SLC25A25: variants seen among roughly 807,000 people sequenced by gnomAD.
SLC25A25 encodes the protein mitochondrial adenyl nucleotide antiporter SLC25A25.
In SLC25A25, 32 loss-of-function variants were observed where a neutral mutation model predicts 57.7. The ratio of observed to expected loss-of-function variants is 0.55; its 90% CI spans 0.42 to 0.74. SLC25A25 has a LOEUF of 0.74. Ranked by LOEUF, SLC25A25 falls within the 30% of genes least tolerant of loss-of-function variation. The pLI, the probability that SLC25A25 is intolerant of heterozygous loss-of-function variation, is 0.00. For synonymous variants in SLC25A25, 306 were observed against 291.2 expected, an observed-to-expected ratio of 1.05 and a Z score of -0.52; for missense variants, 556 against 701.3, an observed-to-expected ratio of 0.79 and a Z score of 2.34.
rs1340925947 is a variant in SLC25A25, at chr9:128,095,037, G to A, written c.262-6059G>A. ...TGCCCAGATCTTGGAGTGTCAAGAA[G>A]GCCGGTGTGAAGCATCAGGGCTGAA... On this transcript the variant is annotated intron_variant, in intron 1 of 10. Coordinates refer to ENST00000373069, the MANE Select transcript of SLC25A25 (RefSeq NM_001330988.2). This position sits in a 1 kb window ranked among gnomAD's most constrained non-coding sequence, Gnocchi z 4.4. 1.3e-5 allele frequency among the ~76,000 whole-genome samples: 2 copies of A among 152,238 alleles called. No homozygotes were observed. Among genetic ancestry groups the A allele is most frequent in the African/African-American group, 4.8e-5 (2 of 41,456 alleles).
Position 128,101,052 on chromosome 9 carries a change from C to G in SLC25A25, c.262-44C>G, listed in dbSNP as rs1341989395. The G allele has an allele frequency of 6.2e-7, 1 of 1,612,026 alleles. No individual in the cohort carries two copies. Among genetic ancestry groups the G allele is most frequent in the Non-Finnish European group, 8.5e-7 (1 of 1,179,292 alleles). On this transcript the variant is annotated intron_variant, in intron 1 of 10. Transcript: ENST00000373069. This position sits in a 1 kb window ranked among gnomAD's most constrained non-coding sequence, Gnocchi z 4.9. ...GGGCCCCACAAGGGACAAGGAAAGG[C>G]TGGTCCAGGAGCCAAAAGACAAAAT...
chr9:128,092,202 T>G (rs1833429585), intron 1 of SLC25A25: 46 of 1,373,756 alleles, frequency 3.3e-5, no homozygotes, highest in Non-Finnish European at 4.1e-5. Context: ...AGTTCGGGGT[T>G]CAGGGAGAAG....
At chr9:128,073,528 T>C (rs1243721262) in intron 1 of SLC25A25, among the ~76,000 whole-genome samples, 1 of 152,170 alleles carries the variant, frequency 6.6e-6, no homozygotes, top group Non-Finnish European at 1.5e-5. Context: ...TGTGGATGTT[T>C]ATCAAAAGAG....
rs1440561078 is a variant in SLC25A25, at chr9:128,099,032, T to TG, written c.262-2058dup. 12 of 985,262 alleles carry TG rather than the reference T, an allele frequency of 1.2e-5. No homozygotes were observed. The highest frequency in any genetic ancestry group is 2.3e-4 in the East Asian group (2 of 8,792). 61.0% of individuals were successfully genotyped at this position (985,262 alleles called of 1,614,324 possible). A position where few individuals can be genotyped will look rare whatever the true frequency, so the allele number is the denominator to read the frequency against. On this transcript the variant is annotated intron_variant, in intron 1 of 10. Coordinates refer to ENST00000373069, the MANE Select transcript of SLC25A25 (RefSeq NM_001330988.2). The surrounding 1 kb of genome is among the most constrained non-coding windows in gnomAD (Gnocchi z 6.8). ...AGAAGTACAGAGCCAGAAAGGGACC[T>TG]GGGGGGCAGGCCAGTAGTGCATGGG...
intron 1 of SLC25A25, among the ~76,000 whole-genome samples, chr9:128,076,438 TTTTTTA>T (rs373449898): frequency 8.8e-5 from 12 of 136,192 alleles, no homozygotes; most frequent in South Asian, 2.3e-4. Flanking sequence ...GCCTAACTTT[TTTTTTA>T]TTTTTATTTT....
chr9:128,099,796 G>A lies in SLC25A25; in HGVS notation c.262-1300G>A, dbSNP rs547226725. On this transcript the variant is annotated intron_variant, in intron 1 of 10. Transcript: ENST00000373069. This position sits in a 1 kb window ranked among gnomAD's most constrained non-coding sequence, Gnocchi z 6.8. Reference sequence around the variant, plus strand: ...TCAGTAGTGTGTCTAAGAGAGAGGCGCGGTGGTGATCCTTTGAGGACGCGA... The same window carrying A: ...TCAGTAGTGTGTCTAAGAGAGAGGCACGGTGGTGATCCTTTGAGGACGCGA... Among the ~76,000 whole-genome samples the A allele has an allele frequency of 3.3e-5, 5 of 152,282 alleles. No individual in the cohort carries two copies. The highest frequency in any genetic ancestry group is 4.1e-4 in the South Asian group (2 of 4,820).
chr9:128,100,875 C>A, intron 1 of SLC25A25: 1 of 572,814 alleles, frequency 1.7e-6, no homozygotes, highest in Non-Finnish European at 3.1e-6. Context: ...CAAGATTGGC[C>A]CTTGCCTGGG....
chr9:128,069,521 A>C (rs1832854070), intron 1 of SLC25A25, among the ~76,000 whole-genome samples: 1 of 152,112 alleles, frequency 6.6e-6, no homozygotes, highest in African/African-American at 2.4e-5. Flanking sequence ...CCATTTGTAC[A>C]CATGACAATT....
At chr9:128,073,166 C>G (rs1052501194) in intron 1 of SLC25A25, among the ~76,000 whole-genome samples, 8 of 152,166 alleles carry the variant, frequency 5.3e-5, no homozygotes, top group Non-Finnish European at 1.2e-4. Context: ...GAAATTGGAC[C>G]AGAGAAGGAA....
At chr9:128,087,530 C>T (rs956716836) in intron 1 of SLC25A25, among the ~76,000 whole-genome samples, 5 of 152,134 alleles carry the variant, frequency 3.3e-5, no homozygotes, top group Non-Finnish European at 7.3e-5. Flanking sequence ...TTGTGATGTG[C>T]CAGAGTTCGT....
At chr9:128,096,424 G>A (rs1026082540) in intron 1 of SLC25A25, among the ~76,000 whole-genome samples, 6 of 152,164 alleles carry the variant, frequency 3.9e-5, no homozygotes, top group African/African-American at 7.2e-5. Flanking sequence ...CACAAGAGTC[G>A]CTTGAACCTG....
intron 1 of SLC25A25, among the ~76,000 whole-genome samples, chr9:128,096,369 C>T (rs927497776): frequency 3.3e-5 from 5 of 151,998 alleles, no homozygotes; most frequent in Admixed American, 2.6e-4. Flanking sequence ...ATCAGCCAGG[C>T]GTGGTGGTGG....
chr9:128,078,626 C>T (rs1378297422), intron 1 of SLC25A25, among the ~76,000 whole-genome samples: 1 of 152,226 alleles, frequency 6.6e-6, no homozygotes, highest in East Asian at 1.9e-4. Context: ...GCCTGTTGCC[C>T]TCTCAGAAGC....
intron 1 of SLC25A25, among the ~76,000 whole-genome samples, chr9:128,077,010 G>T (rs1833030669): frequency 1.3e-5 from 2 of 152,086 alleles, no homozygotes; most frequent in Admixed American, 1.3e-4. Flanking sequence ...GCTGCCCATT[G>T]CCCCATGTGT....
intron 6 of SLC25A25, 102 bp from the exon 7 acceptor site, chr9:128,105,627 C>A (rs1310773570): frequency 3.9e-6 from 6 of 1,555,410 alleles, no homozygotes; most frequent in Non-Finnish European, 5.3e-6. Flanking sequence ...GAAGAAAGGG[C>A]CTTCCCTTTG....
intron 1 of SLC25A25, among the ~76,000 whole-genome samples, chr9:128,090,039 C>T (rs1833363515): frequency 6.6e-6 from 1 of 152,052 alleles, no homozygotes; most frequent in Non-Finnish European, 1.5e-5. Flanking sequence ...TCGGTGAAAA[C>T]ACGTCTCTCA....
intron 1 of SLC25A25, among the ~76,000 whole-genome samples, chr9:128,097,970 T>C (rs1002969315): frequency 2.0e-5 from 3 of 152,130 alleles, no homozygotes; most frequent in Non-Finnish European, 2.9e-5. Flanking sequence ...CATGGGCCCA[T>C]AGGGGGGTCC....
intron 1 of SLC25A25, chr9:128,091,316 G>A: frequency 2.0e-6 from 1 of 491,422 alleles, no homozygotes; most frequent in Non-Finnish European, 2.6e-6. Context: ...AGAATTGCCG[G>A]GCTTCATGCA....
intron 1 of SLC25A25, among the ~76,000 whole-genome samples, chr9:128,082,610 C>T (rs1833178877): frequency 6.6e-6 from 1 of 152,174 alleles, no homozygotes; most frequent in Non-Finnish European, 1.5e-5. Context: ...TTGAAAACAG[C>T]ATATCCCCTT....
Sources: gnomAD v4.1 joint callset for allele counts (sites outside exome capture counted in the v4.1 genomes callset) on GRCh38, gnomAD v4.1.1 for gene constraint, Gnocchi (gnomAD v3.1) non-coding constraint, MANE v1.5 for transcripts, NCBI Gene and HGNC (gene_info 2026-07-23, HGNC 2026-07-21) for gene names.